The following MEOX2 variants were observed in gnomAD, a reference collection of about 807,000 sequenced individuals.
MEOX2 encodes homeobox protein MOX-2.
In MEOX2, 11 loss-of-function variants were observed where a neutral mutation model predicts 27.0. That is an observed-to-expected ratio of 0.41 (90% confidence interval 0.26 to 0.68). The LOEUF is 0.68. MEOX2 is among the 30% of genes least tolerant of loss of function. The pLI, the probability that MEOX2 is intolerant of heterozygous loss-of-function variation, is 0.33. For synonymous variants in MEOX2, 189 were observed against 155.4 expected, an observed-to-expected ratio of 1.22 and a Z score of -1.61; for missense variants, 436 against 385.4, an observed-to-expected ratio of 1.13 and a Z score of -1.10.
At chr7:15,639,964 G>A (rs1781534849) in intron 1 of MEOX2, among the ~76,000 whole-genome samples, 1 of 151,962 alleles carries the variant, frequency 6.6e-6, no homozygotes, top group African/African-American at 2.4e-5. Context: ...GGCTATTTGA[G>A]CTCTCTTTTT....
At chr7:15,620,496 T>G (rs564806272) in intron 2 of MEOX2, among the ~76,000 whole-genome samples, 28 of 151,890 alleles carry the variant, frequency 1.8e-4, no homozygotes, top group South Asian at 1.2e-3. Context: ...TGGCCTGAAC[T>G]CAGGAGGCGG....
chr7:15,665,972 C>G (rs1781998150), intron 1 of MEOX2, among the ~76,000 whole-genome samples: 1 of 152,006 alleles, frequency 6.6e-6, no homozygotes, highest in South Asian at 2.1e-4. Flanking sequence ...TCAATTTTCT[C>G]AAATTTAAGA....
rs562813730 is a variant in MEOX2 at position 15,658,738 on chromosome 7, GTC to G, written c.517+27146_517+27147del. Among the ~76,000 whole-genome samples the G allele has an allele frequency of 2.6e-5, 4 of 152,258 alleles. No individual in the cohort carries two copies. In the South Asian group the frequency reaches 6.2e-4, roughly 24 times the overall value. On this transcript the variant is annotated intron_variant, in intron 1 of 2. Coordinates refer to ENST00000262041, the MANE Select transcript of MEOX2 (RefSeq NM_005924.5). ...TATAAGAAAAGATGCAAGAGAAATG[GTC>G]TCTCTGCATGTGAGGACATAGTGAG... is the stretch of plus-strand genomic sequence containing the variant.
intron 1 of MEOX2, among the ~76,000 whole-genome samples, chr7:15,634,158 G>T (rs1200688883): frequency 4.0e-5 from 6 of 151,854 alleles, no homozygotes; most frequent in Non-Finnish European, 7.4e-5. Context: ...AATGTTATAC[G>T]AAGTGAAGGA....
intron 1 of MEOX2, among the ~76,000 whole-genome samples, chr7:15,645,938 CTCTTT>C (rs1781640399): frequency 6.6e-6 from 1 of 152,098 alleles, no homozygotes; most frequent in Admixed American, 6.5e-5. Flanking sequence ...TTTATATCTT[CTCTTT>C]AAGTACAGGA....
chr7:15,648,651 G>C (rs986029986), intron 1 of MEOX2, among the ~76,000 whole-genome samples: 1 of 152,016 alleles, frequency 6.6e-6, no homozygotes, highest in Non-Finnish European at 1.5e-5. Flanking sequence ...ATTTTGGCTG[G>C]GACTGAGGTT....
intron 2 of MEOX2, among the ~76,000 whole-genome samples, chr7:15,616,580 G>A (rs1000206584): frequency 7.2e-5 from 11 of 151,738 alleles, no homozygotes; most frequent in Admixed American, 2.0e-4. Context: ...TTTATTGACT[G>A]TAATGAAAAA....
chr7:15,660,942 G>A (rs1420443108), intron 1 of MEOX2, among the ~76,000 whole-genome samples: 1 of 147,492 alleles, frequency 6.8e-6, no homozygotes, highest in Non-Finnish European at 1.5e-5. Context: ...GAACTCGGGA[G>A]GTGGATGTTG....
chr7:15,648,122 T>TA (rs998197309), intron 1 of MEOX2, among the ~76,000 whole-genome samples: 2 of 151,898 alleles, frequency 1.3e-5, no homozygotes, highest in Admixed American at 6.6e-5. Flanking sequence ...AACAGGTATT[T>TA]AAAAAAAATC....
At position 15,612,544 on chromosome 7, in the gene MEOX2, G is replaced by T. The variant is rs766320553; in HGVS notation, c.758C>A (p.Ala253Glu). The T allele has an allele frequency of 7.4e-6, 12 of 1,613,978 alleles. No homozygotes were observed. The Admixed American group carries it at 8.3e-5, about 11-fold the overall frequency. Residue 253 changes from alanine (A) to glutamate (E), a missense_variant, in exon 3 of 3, where the codon GCG (alanine) becomes GAG (glutamate). Ala to Glu is a moderately radical substitution (Grantham distance 107). Coordinates refer to ENST00000262041, the MANE Select transcript of MEOX2 (RefSeq NM_005924.5). Reference protein sequence around the residue: ...KRVKGGQQGAAAREKELVNVK... With the variant: ...KRVKGGQQGAEAREKELVNVK... ...ATTCACCAGTTCCTTTTCCCGAGCC[G>T]CAGCTCCTTGCTGTCCACCCTTTAC...
chr7:15,642,394 T>C (rs1036851660), intron 1 of MEOX2, among the ~76,000 whole-genome samples: 7 of 152,190 alleles, frequency 4.6e-5, no homozygotes, highest in Admixed American at 2.0e-4. Context: ...TTTTTCTGTT[T>C]GTTCTACTCT....
chr7:15,622,297 T>G (rs986888269), intron 2 of MEOX2, among the ~76,000 whole-genome samples: 4 of 152,104 alleles, frequency 2.6e-5, no homozygotes, highest in Non-Finnish European at 5.9e-5. Context: ...GTGTATGTGT[T>G]TGCATATGTG....
rs545506834 is a variant in MEOX2, at chr7:15,633,421, G to T, written c.518-6503C>A. 3.2e-4 allele frequency among the ~76,000 whole-genome samples: 49 copies of T among 151,984 alleles called. No homozygotes were observed. The South Asian group carries it at 0.01, about 31-fold the overall frequency. On this transcript the variant is annotated intron_variant, in intron 1 of 2. Coordinates refer to ENST00000262041, the MANE Select transcript of MEOX2 (RefSeq NM_005924.5). ...AATAGTAACTTGGCAAAGGCAGAAA[G>T]AATTGTGACATTTCTAATTTACAGC...
chr7:15,652,357 C>T (rs1205288929), intron 1 of MEOX2, among the ~76,000 whole-genome samples: 4 of 152,020 alleles, frequency 2.6e-5, no homozygotes, highest in South Asian at 2.1e-4. Context: ...ACAAAATGTA[C>T]GTGGCATAAA....
intron 2 of MEOX2, among the ~76,000 whole-genome samples, chr7:15,625,195 A>T (rs1781282897): frequency 6.6e-6 from 1 of 152,184 alleles, no homozygotes; most frequent in African/African-American, 2.4e-5. Flanking sequence ...CTATATAAGA[A>T]CATTAGTGTG....
rs965227479 is a variant in MEOX2, at chr7:15,686,032, G to A, written c.371C>T (p.Pro124Leu). 2 of 1,606,458 alleles carry A rather than the reference G, an allele frequency of 1.2e-6. No homozygotes were observed. Among genetic ancestry groups the A allele is most frequent in the Middle Eastern group, 1.7e-4 (1 of 6,010 alleles). ...GGAAGAGTTGGAGCACAGGACGGGC[G>A]GGCTGCTCCCCAACTCTGGGGGCCC... Reference protein sequence around the residue: ...SGGPPELGSSPPVLCSNSSSL... With the variant: ...SGGPPELGSSLPVLCSNSSSL... The change falls in exon 1 of 3, where the codon CCG becomes CTG. Residue 124 changes from proline to leucine, a missense_variant. By Grantham distance (98) the Pro-to-Leu change is moderately conservative (BLOSUM62 -3). Coordinates refer to ENST00000262041, the MANE Select transcript of MEOX2 (RefSeq NM_005924.5).
chr7:15,665,385 C>A (rs1233774092), intron 1 of MEOX2, among the ~76,000 whole-genome samples: 1 of 152,116 alleles, frequency 6.6e-6, no homozygotes, highest in African/African-American at 2.4e-5. Context: ...TTCAGGAATT[C>A]AAGTAAGATG....
At chr7:15,654,250 T>C (rs1781785947) in intron 1 of MEOX2, among the ~76,000 whole-genome samples, 1 of 151,972 alleles carries the variant, frequency 6.6e-6, no homozygotes, top group Non-Finnish European at 1.5e-5. Flanking sequence ...TGTATGTTTA[T>C]CTTTATTCCA....
At chr7:15,667,385 A>G (rs1259553971) in intron 1 of MEOX2, among the ~76,000 whole-genome samples, 1 of 151,202 alleles carries the variant, frequency 6.6e-6, no homozygotes, top group Non-Finnish European at 1.5e-5. Flanking sequence ...ATTTCTCTGA[A>G]TATTTGCATC....
Sources: allele counts gnomAD v4.1 joint callset (sites outside exome capture counted in the v4.1 genomes callset), GRCh38; gene constraint gnomAD v4.1.1; transcripts MANE v1.5; gene names NCBI Gene and HGNC (gene_info 2026-07-23, HGNC 2026-07-21).